TPPP: variants seen among roughly 807,000 people sequenced by gnomAD.
TPPP encodes tubulin polymerization-promoting protein.
Under a neutral mutation model 15.5 loss-of-function variants are expected in TPPP, and 6 were observed. The ratio of observed to expected loss-of-function variants is 0.39; its 90% CI spans 0.21 to 0.77. The LOEUF (loss-of-function observed/expected upper bound fraction) is 0.77. Ranked by LOEUF, TPPP falls within the 30% of genes least tolerant of loss-of-function variation. The pLI is 0.42. For synonymous variants in TPPP, 146 were observed against 133.9 expected (o/e 1.09, Z -0.63); for missense variants, 269 against 307.2 (o/e 0.88, Z 0.93).
chr5:676,815 CAT>C (rs971537497), intron 2 of TPPP, among the ~76,000 whole-genome samples: 8 of 100,864 alleles, frequency 7.9e-5, no homozygotes, highest in Non-Finnish European at 1.3e-4. Context: ...TGCAGAAACA[CAT>C]GCACACATGC....
intron 1 of TPPP, among the ~76,000 whole-genome samples, chr5:683,489 G>A (rs1447894772): frequency 1.3e-5 from 2 of 152,214 alleles, no homozygotes; most frequent in Non-Finnish European, 2.9e-5. Context: ...CCCTGTTCAG[G>A]GATGACAATG....
intron 1 of TPPP, among the ~76,000 whole-genome samples, chr5:686,006 C>A (rs1055300962): frequency 1.3e-5 from 2 of 152,206 alleles, no homozygotes; most frequent in Admixed American, 1.3e-4. Flanking sequence ...GAGGTGCCAA[C>A]AGGGCTCCCG....
At position 692,896 on chromosome 5, in the gene TPPP, G is replaced by A. The variant is rs531161684; in HGVS notation, c.-5+382C>T. 1.9e-4 allele frequency: 182 copies of A among 942,464 alleles called. 6 individuals carry two copies. In the East Asian group the frequency reaches 0.019, roughly 96 times the overall value. The allele number at this position is 942,464 out of a possible 1,614,324, so 58.4% of individuals were successfully genotyped here. ...GGCGGCCCCCTAGGCCTGGGAATAG[G>A]GAAACGGTTCGAGTCCCGAGCTGGG... On this transcript the variant is annotated intron_variant, in intron 1 of 3. Transcript: ENST00000360578.
At chr5:670,146 G>C (rs1334447369) in intron 2 of TPPP, among the ~76,000 whole-genome samples, 1 of 152,200 alleles carries the variant, frequency 6.6e-6, no homozygotes, top group Non-Finnish European at 1.5e-5. Context: ...GCCTCCAGGA[G>C]CTGGGCTCAG....
chr5:677,865 C>A lies in TPPP; in HGVS notation c.196G>T (p.Ala66Ser). Residue 66 changes from alanine to serine, a missense_variant, in exon 2 of 4, where the codon GCC becomes TCC. Physicochemically the swap from Ala to Ser is moderately conservative, Grantham distance 99. Transcript: ENST00000360578. ...TTGCCGTGCATCTCCCTCCCGGTGG[C>A]CCTGGCGTCCCCGTGCACGGCAAAG... ...RRFAVHGDAR[A>S]TGREMHGKNW... 6.2e-7 allele frequency: 1 copy of A among 1,612,754 alleles called. No individual in the cohort carries two copies.
Position 660,949 on chromosome 5 carries a change from A to T in TPPP, c.*4153T>A, listed in dbSNP as rs1292306100. On this transcript the variant is annotated 3_prime_UTR_variant, in exon 4 of 4. Transcript: ENST00000360578. ...CCATCTGCGCCCAAACTTGGACAGGATATTAGAAGGTGTAAAAGTAGTCCA... is the reference window on the plus strand; with the variant it reads ...CCATCTGCGCCCAAACTTGGACAGGTTATTAGAAGGTGTAAAAGTAGTCCA... 6.6e-6 allele frequency: 1 copy of T among 152,270 alleles called. No homozygotes were observed. Among genetic ancestry groups the T allele is most frequent in the Non-Finnish European group, 1.5e-5 (1 of 68,046 alleles). The allele number at this position is 152,270 out of a possible 1,614,324, so 9.4% of individuals were successfully genotyped here.
intron 2 of TPPP, among the ~76,000 whole-genome samples, chr5:669,101 C>T (rs777402428): frequency 1.8e-4 from 27 of 152,362 alleles, no homozygotes; most frequent in Non-Finnish European, 2.5e-4. Flanking sequence ...CAGACCCTCA[C>T]GCCTCATGGG....
chr5:673,572 G>T (rs115960106), intron 2 of TPPP, among the ~76,000 whole-genome samples: 1 of 152,144 alleles, frequency 6.6e-6, no homozygotes, highest in Admixed American at 6.5e-5. Context: ...CACTCACGGT[G>T]CCCAGCCTGC....
Position 691,789 on chromosome 5 carries a change from GCCC to G in TPPP, c.-5+1486_-5+1488del, listed in dbSNP as rs1331882234. On this transcript the variant is annotated intron_variant, in intron 1 of 3. Transcript: ENST00000360578. The stretch of plus-strand genomic sequence containing the variant: ...CAGCCCCCAAATACCCATCAAAACA[GCCC>G]CCAACCCTCATCAAAACAGCAGCCC... Among the ~76,000 whole-genome samples the G allele has an allele frequency of 3.5e-5, 3 of 86,320 alleles. No individual in the cohort carries two copies. In the Admixed American group the frequency reaches 5.0e-4, roughly 14 times the overall value. 56.6% of individuals were successfully genotyped at this position (86,320 alleles called of 152,430 possible).
chr5:680,877 G>A (rs568123687), intron 1 of TPPP, among the ~76,000 whole-genome samples: 125 of 152,332 alleles, frequency 8.2e-4, no homozygotes, highest in Non-Finnish European at 1.3e-3. Context: ...TAGGCACGAC[G>A]TGCCGCTGTG....
upstream of TPPP, among the ~76,000 whole-genome samples, chr5:697,936 C>T (rs1243407337): frequency 6.3e-5 from 9 of 143,832 alleles, no homozygotes; most frequent in Admixed American, 2.1e-4. Flanking sequence ...AAATCCTCAA[C>T]GAAATACCAG....
Position 661,511 on chromosome 5 carries a change from T to C in TPPP, c.*3591A>G, listed in dbSNP as rs1020537528. 4 of 152,430 alleles carry C rather than the reference T, an allele frequency of 2.6e-5. No homozygotes were observed. Among genetic ancestry groups the C allele is most frequent in the Non-Finnish European group, 5.9e-5 (4 of 68,078 alleles). The allele number at this position is 152,430 out of a possible 1,614,324, so 9.4% of individuals were successfully genotyped here. A position where few individuals can be genotyped will look rare whatever the true frequency, so the allele number is the denominator to read the frequency against. On this transcript the variant is annotated 3_prime_UTR_variant, in exon 4 of 4. Transcript: ENST00000360578. Reference sequence around the variant, plus strand: ...GGTTTGCAGGTTGTGCAGTTTGTTATTCACAAATACACATTTATTTTCTGT... The same window carrying C: ...GGTTTGCAGGTTGTGCAGTTTGTTACTCACAAATACACATTTATTTTCTGT...
chr5:681,570 C>T (rs1468942554), intron 1 of TPPP, among the ~76,000 whole-genome samples: 2 of 152,182 alleles, frequency 1.3e-5, no homozygotes, highest in Non-Finnish European at 2.9e-5. Context: ...CCTGACCTGA[C>T]CCAGGTGTCT....
intron 1 of TPPP, among the ~76,000 whole-genome samples, chr5:688,918 G>A (rs1453521975): frequency 1.9e-4 from 23 of 118,256 alleles, no homozygotes; most frequent in Non-Finnish European, 3.8e-4. Flanking sequence ...TGGCTGTGCA[G>A]CGGTGCCCTG....
rs1357227201 is a variant in TPPP at position 664,834 on chromosome 5, C to T, written c.*268G>A. 1.0e-5 allele frequency: 5 copies of T among 485,052 alleles called. No homozygotes were observed. The highest frequency in any genetic ancestry group is 3.5e-5 in the East Asian group (1 of 28,364). 30.0% of individuals were successfully genotyped at this position (485,052 alleles called of 1,614,324 possible). On this transcript the variant is annotated 3_prime_UTR_variant, in exon 4 of 4. Coordinates refer to ENST00000360578, the MANE Select transcript of TPPP (RefSeq NM_007030.3). Reference sequence around the variant, plus strand: ...ACCACGTGCCCAGTGTGGTGTGATCCGCGAGACACTTTGGAAATGGCTGAG... The same window carrying T: ...ACCACGTGCCCAGTGTGGTGTGATCTGCGAGACACTTTGGAAATGGCTGAG...
intron 1 of TPPP, 117 bp from the exon 2 acceptor site, chr5:678,181 G>A: frequency 9.0e-7 from 1 of 1,107,496 alleles, no homozygotes; most frequent in Non-Finnish European, 1.3e-6. Flanking sequence ...GGCTGAGATG[G>A]GCAGGCCCTC....
At chr5:685,288 G>A (rs1450375108) in intron 1 of TPPP, among the ~76,000 whole-genome samples, 1 of 152,254 alleles carries the variant, frequency 6.6e-6, no homozygotes, top group Non-Finnish European at 1.5e-5. Flanking sequence ...GAAGGCCAGA[G>A]CCAAGCCCAG....
intron 3 of TPPP, 162 bp downstream of exon 3, chr5:665,808 C>T: frequency 1.2e-6 from 1 of 827,812 alleles, no homozygotes; most frequent in Non-Finnish European, 1.8e-6. Context: ...TCCTCAGACC[C>T]CACACCAGGC....
upstream of TPPP, among the ~76,000 whole-genome samples, chr5:696,078 C>T (rs1357936531): frequency 1.7e-4 from 17 of 102,446 alleles, no homozygotes; most frequent in African/African-American, 6.1e-4. Flanking sequence ...GCCTGGCACC[C>T]GCGCCCACCC....
Sources: allele counts gnomAD v4.1 joint callset (sites outside exome capture counted in the v4.1 genomes callset), GRCh38; gene constraint gnomAD v4.1.1; transcripts MANE v1.5; gene names NCBI Gene and HGNC (gene_info 2026-07-23, HGNC 2026-07-21).